The following WBP4 variants were observed in gnomAD, a reference collection of about 807,000 sequenced individuals.
WBP4 encodes WW domain-binding protein 4.
Under a neutral mutation model 55.4 loss-of-function variants are expected in WBP4, and 37 were observed. The ratio of observed to expected loss-of-function variants is 0.67; its 90% CI spans 0.51 to 0.88. The LOEUF is 0.88. Among genes scored for constraint, WBP4 ranks in the 40% least tolerant of loss-of-function variants. WBP4 has a pLI of 0.00. For synonymous variants in WBP4, 142 were observed against 140.2 expected (o/e 1.01, Z -0.09); for missense variants, 398 against 420.8 (o/e 0.95, Z 0.47).
At chr13:41,062,858 A>G in intron 2 of WBP4, 142 bp downstream of exon 2, 1 of 608,806 alleles carries the variant, frequency 1.6e-6, no homozygotes, top group Non-Finnish European at 2.7e-6. Context: ...CTGTCTTCTC[A>G]GTCCCCTATG....
intron 1 of WBP4, chr13:41,062,124 T>TG (rs1877696557): frequency 2.1e-6 from 2 of 955,610 alleles, no homozygotes; most frequent in African/African-American, 1.9e-5. Context: ...TTTTTTTTTT[T>TG]GTCGGCCGTC....
chr13:41,065,608 A>G (rs1290657132), intron 4 of WBP4, among the ~76,000 whole-genome samples: 2 of 152,206 alleles, frequency 1.3e-5, no homozygotes, highest in Admixed American at 1.3e-4. Context: ...TATTTGGCTA[A>G]GAGACACTAT....
chr13:41,079,777 G>T (rs999248003), intron 8 of WBP4, among the ~76,000 whole-genome samples: 1 of 152,136 alleles, frequency 6.6e-6, no homozygotes, highest in Non-Finnish European at 1.5e-5. Context: ...ATTTGTAGCA[G>T]CATTGTTCAC....
chr13:41,062,114 T>TG lies in WBP4; in HGVS notation c.2+439_2+440insG, dbSNP rs1877693696. 3.1e-6 allele frequency: 3 copies of TG among 974,104 alleles called. No homozygotes were observed. In the Admixed American group the frequency reaches 2.0e-4, roughly 64 times the overall value. The allele number at this position is 974,104 out of a possible 1,614,324, so 60.3% of individuals were successfully genotyped here. On this transcript the variant is annotated intron_variant, in intron 1 of 9. Transcript: ENST00000379487. ...CGTAATGGTTTTTTTTTTTTTTTTT[T>TG]TTTTTTTTTTGTCGGCCGTCTACGA...
chr13:41,069,032 G>A (rs965234976), intron 5 of WBP4, among the ~76,000 whole-genome samples: 1 of 152,086 alleles, frequency 6.6e-6, no homozygotes, highest in Non-Finnish European at 1.5e-5. Flanking sequence ...TGGAAATAAA[G>A]AATTTTGCAT....
chr13:41,072,613 A>G (rs186278467), intron 6 of WBP4, among the ~76,000 whole-genome samples, 169 bp from the exon 7 acceptor site: 1 of 152,348 alleles, frequency 6.6e-6, no homozygotes, highest in Admixed American at 6.5e-5. Flanking sequence ...ACAAGGCCCC[A>G]TCTCCAACTT....
chr13:41,074,137 T>C (rs1390902952), intron 7 of WBP4, among the ~76,000 whole-genome samples: 7 of 152,090 alleles, frequency 4.6e-5, no homozygotes, highest in Non-Finnish European at 8.8e-5. Context: ...TTCACCATGT[T>C]AGTCAGGATG....
At chr13:41,077,185 G>A (rs1878533503) in intron 8 of WBP4, among the ~76,000 whole-genome samples, 1 of 152,102 alleles carries the variant, frequency 6.6e-6, no homozygotes, top group South Asian at 2.1e-4. Context: ...ATCAATAAAT[G>A]TGATTCACCA....
chr13:41,069,148 T>C (rs1177391793), intron 5 of WBP4, among the ~76,000 whole-genome samples: 2 of 152,198 alleles, frequency 1.3e-5, no homozygotes, highest in African/African-American at 4.8e-5. Flanking sequence ...ATTTCTTTTT[T>C]CTGTAGCTGC....
At position 41,080,887 on chromosome 13, in the gene WBP4, A is replaced by T. The variant is rs983662855; in HGVS notation, c.920+78A>T. Reference sequence around the variant, plus strand: ...AGTACTTCCCTAAATTGCAGTAAGTAATTTCAAGGATGCTGTGCTTATTAA... The same window carrying T: ...AGTACTTCCCTAAATTGCAGTAAGTTATTTCAAGGATGCTGTGCTTATTAA... On this transcript the variant is annotated intron_variant, in intron 9 of 9. Transcript: ENST00000379487. 40 of 1,420,854 alleles carry T rather than the reference A, an allele frequency of 2.8e-5. 1 individual carries two copies. The highest frequency in any genetic ancestry group is 6.7e-5 in the Admixed American group (3 of 45,082). The allele number at this position is 1,420,854 out of a possible 1,614,324, so 88.0% of individuals were successfully genotyped here. A position where few individuals can be genotyped will look rare whatever the true frequency, so the allele number is the denominator to read the frequency against.
chr13:41,075,723 CTT>C (rs922322627), intron 7 of WBP4, among the ~76,000 whole-genome samples: 45 of 152,298 alleles, frequency 3.0e-4, no homozygotes, highest in African/African-American at 1.0e-3. Flanking sequence ...CAGGAAATCT[CTT>C]GTTTGCTCAT....
intron 7 of WBP4, among the ~76,000 whole-genome samples, chr13:41,073,287 G>A (rs1360209155): frequency 6.6e-6 from 1 of 152,202 alleles, no homozygotes; most frequent in African/African-American, 2.4e-5. Flanking sequence ...GCCAAGACAG[G>A]TGGATCACCT....
In WBP4 at chr13:41,082,977, ATC is replaced by A; in HGVS notation, c.*65_*66del. The stretch of plus-strand genomic sequence containing the variant: ...ATGGAGACTTATACACCCAAAGTTT[ATC>A]TGTGTTTGTTTGTAAGTATTATGAT... On this transcript the variant is annotated 3_prime_UTR_variant, in exon 10 of 10. Coordinates refer to ENST00000379487, the MANE Select transcript of WBP4 (RefSeq NM_007187.5). 6.8e-7 allele frequency: 1 copy of A among 1,467,490 alleles called. No individual in the cohort carries two copies. The highest frequency in any genetic ancestry group is 9.4e-7 in the Non-Finnish European group (1 of 1,065,930). 90.9% of individuals were successfully genotyped at this position (1,467,490 alleles called of 1,614,324 possible).
chr13:41,082,736 A>T lies in WBP4; in HGVS notation c.953A>T (p.Glu318Val). 1.2e-6 allele frequency: 2 copies of T among 1,614,132 alleles called. No individual in the cohort carries two copies. Among genetic ancestry groups the T allele is most frequent in the Non-Finnish European group, 1.7e-6 (2 of 1,180,014 alleles). Residue 318 changes from glutamate to valine, a missense_variant, in exon 10 of 10, where the codon GAA becomes GTA. By Grantham distance (121) the Glu-to-Val change is moderately radical. Transcript: ENST00000379487. Reference sequence around the variant, plus strand: ...GTAGATTTGGAACTTCCAAGCACTGAAAATGAGTATGTATCAACTTCAGAA... The same window carrying T: ...GTAGATTTGGAACTTCCAAGCACTGTAAATGAGTATGTATCAACTTCAGAA... The part of the protein sequence containing the change: ...EEVDLELPST[E>V]NEYVSTSEAD...
chr13:41,072,642 A>C, intron 6 of WBP4, 140 bp from the exon 7 acceptor site: 1 of 669,172 alleles, frequency 1.5e-6, no homozygotes, highest in Non-Finnish European at 2.6e-6. Context: ...ACAAGTCTAC[A>C]TGAGATTTGG....
chr13:41,061,818 G>A, intron 1 of WBP4, 143 bp downstream of exon 1: 1 of 1,369,406 alleles, frequency 7.3e-7, no homozygotes, highest in Non-Finnish European at 1.0e-6. Flanking sequence ...ACCGGCCCCA[G>A]ACCTGCAGGG....
intron 9 of WBP4, among the ~76,000 whole-genome samples, chr13:41,081,035 A>G (rs1024595304): frequency 6.6e-6 from 1 of 152,008 alleles, no homozygotes; most frequent in African/African-American, 2.4e-5. Context: ...TGTCTCTACT[A>G]AAAATACAAA....
chr13:41,071,384 G>A (rs1878238963), intron 5 of WBP4, 143 bp from the exon 6 acceptor site: 1 of 646,718 alleles, frequency 1.5e-6, no homozygotes, highest in African/African-American at 1.8e-5. Context: ...TGGGATGTAT[G>A]TTCTGTTTTA....
rs1878854339 is a variant in WBP4 at position 41,083,043 on chromosome 13, A to G, written c.*129A>G. Reference sequence around the variant, plus strand: ...ATTTATTCTAAATGTATTTGATGTGAATTAAAATAAATATTTTTTCATGTG... The same window carrying G: ...ATTTATTCTAAATGTATTTGATGTGGATTAAAATAAATATTTTTTCATGTG... On this transcript the variant is annotated 3_prime_UTR_variant, in exon 10 of 10. Transcript: ENST00000379487. The G allele has an allele frequency of 2.2e-6, 2 of 893,204 alleles. No homozygotes were observed. Among genetic ancestry groups the G allele is most frequent in the South Asian group, 3.8e-5 (2 of 52,668 alleles). The allele number at this position is 893,204 out of a possible 1,614,324, so 55.3% of individuals were successfully genotyped here.
Sources: allele counts gnomAD v4.1 joint callset (sites outside exome capture counted in the v4.1 genomes callset), GRCh38; gene constraint gnomAD v4.1.1; transcripts MANE v1.5; gene names NCBI Gene and HGNC (gene_info 2026-07-23, HGNC 2026-07-21).